MRC2: variants seen among roughly 807,000 people sequenced by gnomAD.
MRC2 encodes mannose receptor C-type 2.
A neutral mutation model predicts 206.2 loss-of-function variants in MRC2; 84 were observed. That is an observed-to-expected ratio of 0.41 (90% CI 0.34 to 0.49). The LOEUF is 0.49. Among genes scored for constraint, MRC2 ranks in the 20% least tolerant of loss-of-function variants. The pLI is 0.31. For missense variants in MRC2, 1,676 were observed against 2,001.5 expected (o/e 0.84, Z 3.10); for synonymous variants, 798 against 800.0 (o/e 1.00, Z 0.04).
chr17:62,633,515 A>G (rs1478742583), intron 1 of MRC2, among the ~76,000 whole-genome samples: 1 of 151,132 alleles, frequency 6.6e-6, no homozygotes, highest in African/African-American at 2.4e-5. Context: ...AAAAAAAAAA[A>G]AAAAAAAGAG....
At chr17:62,658,981 G>A (rs1481752385) in intron 1 of MRC2, among the ~76,000 whole-genome samples, 2 of 152,134 alleles carry the variant, frequency 1.3e-5, no homozygotes, top group Non-Finnish European at 2.9e-5. Context: ...TTAACAGATG[G>A]CTTGTAAACA....
intron 1 of MRC2, among the ~76,000 whole-genome samples, chr17:62,631,222 A>G (rs188872472): frequency 9.9e-5 from 15 of 152,164 alleles, no homozygotes; most frequent in African/African-American, 3.4e-4. Flanking sequence ...TGCACTGTCC[A>G]TACCCCCAGA....
At chr17:62,632,046 C>G (rs1006612199) in intron 1 of MRC2, among the ~76,000 whole-genome samples, 9 of 152,100 alleles carry the variant, frequency 5.9e-5, no homozygotes, top group Non-Finnish European at 1.0e-4. Context: ...CGCTTTCCCA[C>G]GCCTGGGTCC....
rs184875066 is a variant in MRC2, at chr17:62,656,208, C to T, written c.119-8340C>T. 3.0e-4 allele frequency among the ~76,000 whole-genome samples: 45 copies of T among 152,138 alleles called. No homozygotes were observed. The East Asian group carries it at 7.9e-3, about 27-fold the overall frequency. ...ATTACAGGTGTGCGCCACCATGCCC[C>T]GCTAATTTTTGTACTTTTAGTAGAG... On this transcript the variant is annotated intron_variant, in intron 1 of 29. Coordinates refer to ENST00000303375, the MANE Select transcript of MRC2 (RefSeq NM_006039.5).
rs776644424 is a variant in MRC2 at position 62,690,991 on chromosome 17, C to T, written c.4055C>T (p.Ser1352Phe). ...VWQDNTAVNY[S>F]NWGPPGLGPS... ...CAGGACAACACAGCTGTGAACTACT[C>T]CAACTGGGGGCCCCCGGGCTTGGGC... Residue 1352 changes from serine to phenylalanine, a missense_variant, in exon 28 of 30, where the codon TCC becomes TTC. Physicochemically the swap from Ser to Phe is radical, Grantham distance 155. Coordinates refer to ENST00000303375, the MANE Select transcript of MRC2 (RefSeq NM_006039.5). 1 of 1,609,060 alleles carries T rather than the reference C, an allele frequency of 6.2e-7. No individual in the cohort carries two copies. The highest frequency in any genetic ancestry group is 8.5e-7 in the Non-Finnish European group (1 of 1,178,552).
chr17:62,690,077 G>T lies in MRC2; in HGVS notation c.3742+15G>T. ...GGTTAGCAGTGGTGAGTGCCCACCT[G>T]CCAGGGCGGGGGCATGGGCAAGCTG... On this transcript the variant is annotated intron_variant, in intron 25 of 29. Coordinates refer to ENST00000303375, the MANE Select transcript of MRC2 (RefSeq NM_006039.5). 1 of 1,586,044 alleles carries T rather than the reference G, an allele frequency of 6.3e-7. No individual in the cohort carries two copies. Among genetic ancestry groups the T allele is most frequent in the Non-Finnish European group, 8.6e-7 (1 of 1,164,064 alleles).
intron 1 of MRC2, among the ~76,000 whole-genome samples, chr17:62,642,296 C>T (rs1436588927): frequency 2.6e-5 from 4 of 152,102 alleles, no homozygotes; most frequent in African/African-American, 9.7e-5. Context: ...ATTGTTTACT[C>T]GTTCCTGGAT....
intron 1 of MRC2, among the ~76,000 whole-genome samples, chr17:62,659,928 T>C (rs2088661558): frequency 6.6e-6 from 1 of 152,244 alleles, no homozygotes; most frequent in Admixed American, 6.5e-5. Context: ...CATTTGTTCC[T>C]TCAGTATTTA....
chr17:62,693,425 G>A lies in MRC2; in HGVS notation c.*974G>A, dbSNP rs2089134647. Reference sequence around the variant, plus strand: ...TCCAAGAGGCCACAGTCCCAGCCAGGACAAAGTATGCGGCCCATCCTGGTG... The same window carrying A: ...TCCAAGAGGCCACAGTCCCAGCCAGAACAAAGTATGCGGCCCATCCTGGTG... On this transcript the variant is annotated 3_prime_UTR_variant, in exon 30 of 30. Coordinates refer to ENST00000303375, the MANE Select transcript of MRC2 (RefSeq NM_006039.5). 6.6e-6 allele frequency: 1 copy of A among 152,590 alleles called. No homozygotes were observed. Among genetic ancestry groups the A allele is most frequent in the African/African-American group, 2.4e-5 (1 of 41,440 alleles). The allele number at this position is 152,590 out of a possible 1,614,324, so 9.5% of individuals were successfully genotyped here.
intron 1 of MRC2, among the ~76,000 whole-genome samples, chr17:62,648,577 G>A (rs1474189411): frequency 1.3e-5 from 2 of 152,142 alleles, no homozygotes; most frequent in Non-Finnish European, 2.9e-5. Context: ...CTTCCAGAGA[G>A]CCCCCTACTT....
Position 62,664,959 on chromosome 17 carries a change from C to A in MRC2, c.520+10C>A. On this transcript the variant is annotated intron_variant, in intron 2 of 29. Transcript: ENST00000303375. The surrounding 1 kb of genome is among the most constrained non-coding windows in gnomAD (Gnocchi z 4.7). ...GCTCTGCCCTACCACGGTGAGGGGC[C>A]GCTTGCAGGCGGGAGGGTGGGGTCC... 1.3e-6 allele frequency: 2 copies of A among 1,586,834 alleles called. No homozygotes were observed. The highest frequency in any genetic ancestry group is 1.1e-5 in the South Asian group (1 of 88,380).
At chr17:62,655,765 AG>A (rs2088612513) in intron 1 of MRC2, among the ~76,000 whole-genome samples, 1 of 152,008 alleles carries the variant, frequency 6.6e-6, no homozygotes, top group South Asian at 2.1e-4. Flanking sequence ...AAAGAAAGAA[AG>A]AAATATTTCT....
intron 1 of MRC2, among the ~76,000 whole-genome samples, chr17:62,635,209 T>C (rs1206179543): frequency 1.4e-5 from 2 of 147,484 alleles, no homozygotes; most frequent in African/African-American, 5.0e-5. Flanking sequence ...TTTTTTTTTT[T>C]TTTCAGAAAT....
chr17:62,679,891 G>T lies in MRC2; in HGVS notation c.2287G>T (p.Asp763Tyr). 6.2e-7 allele frequency: 1 copy of T among 1,612,960 alleles called. No homozygotes were observed. The highest frequency in any genetic ancestry group is 8.5e-7 in the Non-Finnish European group (1 of 1,179,728). ...PRGGQSWRWS[D>Y]GVGFSYHNFD... ...AGGGGGTCAGAGTTGGCGCTGGAGC[G>T]ACGGCGTAGGGGTGAGGGGGCCTGG... The change falls in exon 14 of 30, where the codon GAC becomes TAC. Residue 763 changes from aspartate to tyrosine, a missense_variant. Around this residue, in one of 3 missense-constraint regions of MRC2, gnomAD observed 1,354 missense variants for 1,636.6 expected, o/e 0.83. Coordinates refer to ENST00000303375, the MANE Select transcript of MRC2 (RefSeq NM_006039.5).
At chr17:62,670,549 G>GGTT (rs1389773947) in intron 6 of MRC2, among the ~76,000 whole-genome samples, 4 of 152,272 alleles carry the variant, frequency 2.6e-5, no homozygotes, top group African/African-American at 9.6e-5. Context: ...CACTGTGGGT[G>GGTT]GTTTGGTGAA....
chr17:62,683,650 GC>G (rs775689762), intron 20 of MRC2, among the ~76,000 whole-genome samples: 3 of 151,172 alleles, frequency 2.0e-5, no homozygotes, highest in Admixed American at 6.6e-5. Flanking sequence ...GATGACTTGA[GC>G]CCAGGAGTTC....
chr17:62,674,558 T>G (rs2088866973), intron 9 of MRC2, among the ~76,000 whole-genome samples: 1 of 152,144 alleles, frequency 6.6e-6, no homozygotes, highest in Admixed American at 6.5e-5. Context: ...CAGTCCTGAC[T>G]TCCCCCTCCT....
intron 20 of MRC2, among the ~76,000 whole-genome samples, chr17:62,685,004 T>A (rs2089015067): frequency 6.6e-6 from 1 of 152,118 alleles, no homozygotes; most frequent in Admixed American, 6.5e-5. Context: ...TATCTGGGCA[T>A]GGTGGTGGAC....
rs960808676 is a variant in MRC2, at chr17:62,627,748, C to T, written c.-55C>T. On this transcript the variant is annotated 5_prime_UTR_variant, in exon 1 of 30. Coordinates refer to ENST00000303375, the MANE Select transcript of MRC2 (RefSeq NM_006039.5). ...CAGCCCAGCCTCGGGGCTGCCACAG[C>T]GCGTTGCGCCTGTGCGCCCTCGGTC... 5 of 1,292,134 alleles carry T rather than the reference C, an allele frequency of 3.9e-6. No individual in the cohort carries two copies. The highest frequency in any genetic ancestry group is 5.0e-6 in the Non-Finnish European group (5 of 1,005,198). The allele number at this position is 1,292,134 out of a possible 1,614,324, so 80.0% of individuals were successfully genotyped here.
Sources: allele counts gnomAD v4.1 joint callset (sites outside exome capture counted in the v4.1 genomes callset), GRCh38; gene constraint gnomAD v4.1.1; regional missense constraint gnomAD v4.1.1; non-coding constraint Gnocchi (gnomAD v3.1); transcripts MANE v1.5; gene names NCBI Gene and HGNC (gene_info 2026-07-23, HGNC 2026-07-21).